ANK3: variants seen among roughly 807,000 people sequenced by gnomAD.
ANK3 encodes the protein ankyrin-3.
A neutral mutation model predicts 370.9 loss-of-function variants in ANK3; 57 were observed. That is an observed-to-expected ratio of 0.15 (90% confidence interval 0.12 to 0.19). ANK3 has a LOEUF of 0.19. Ranked by LOEUF, ANK3 falls within the 10% of genes least tolerant of loss-of-function variation. The pLI is 1.00. For missense variants in ANK3, 4,439 were observed against 5,302.1 expected, an observed-to-expected ratio of 0.84 and a Z score of 5.06; for synonymous variants, 1,929 against 1,946.3, an observed-to-expected ratio of 0.99 and a Z score of 0.23.
intron 1 of ANK3, among the ~76,000 whole-genome samples, chr10:60,336,656 A>G (rs993729469): frequency 6.6e-6 from 1 of 152,192 alleles, no homozygotes; most frequent in South Asian, 2.1e-4. Context: ...GCATTTTAAG[A>G]AAAAGCTATC....
chr10:60,345,821 A>G (rs1362286491), intron 1 of ANK3, among the ~76,000 whole-genome samples: 1 of 152,130 alleles, frequency 6.6e-6, no homozygotes, highest in East Asian at 1.9e-4. Context: ...ATTATACTGG[A>G]GGCAGTGTTA....
At chr10:60,390,984 G>C (rs940885489), upstream of ANK3, among the ~76,000 whole-genome samples, 19 of 152,130 alleles carry the variant, frequency 1.2e-4, no homozygotes, top group African/African-American at 3.6e-4. Flanking sequence ...GCTGTTGTTT[G>C]TCTGCTTCAC....
chr10:60,072,054 C>T lies in ANK3; in HGVS notation c.8827G>A (p.Gly2943Arg), dbSNP rs774501041. 1.6e-5 allele frequency: 26 copies of T among 1,613,968 alleles called. No individual in the cohort carries two copies. Among genetic ancestry groups the T allele is most frequent in the African/African-American group, 2.7e-5 (2 of 74,912 alleles). ...CTCCTGGAAGGCTGATCAAGCAATCCGCCTGGATGGTCCCCTTCTTTCACA... is the reference window on the plus strand; with the variant it reads ...CTCCTGGAAGGCTGATCAAGCAATCTGCCTGGATGGTCCCCTTCTTTCACA... ...YVVKEGDHPG[G>R]LLDQPSRRSE... is the part of the protein sequence containing the mutation. Residue 2943 changes from glycine (G) to arginine (R), a missense_variant, in exon 37 of 44, where the codon GGA becomes AGA. By Grantham distance (125) the Gly-to-Arg change is moderately radical (BLOSUM62 -2). Coordinates refer to ENST00000280772, the MANE Select transcript of ANK3 (RefSeq NM_020987.5).
intron 2 of ANK3, among the ~76,000 whole-genome samples, chr10:60,402,287 A>T (rs554624701): frequency 3.3e-4 from 50 of 152,282 alleles, no homozygotes; most frequent in Admixed American, 5.9e-4. Context: ...AAAACTAAGA[A>T]TATAAATAAA....
chr10:60,506,334 A>T (rs1211571496), intron 2 of ANK3, among the ~76,000 whole-genome samples: 3 of 152,110 alleles, frequency 2.0e-5, no homozygotes, highest in African/African-American at 7.2e-5. Context: ...CACTCAAGAA[A>T]ATCCCAAAGT....
chr10:60,497,273 G>A (rs1741556637), intron 2 of ANK3, among the ~76,000 whole-genome samples: 1 of 152,150 alleles, frequency 6.6e-6, no homozygotes, highest in Non-Finnish European at 1.5e-5. Context: ...AGGTGACAGA[G>A]TGAGACCCTG....
chr10:60,699,456 A>C (rs956233210), intron 1 of ANK3, among the ~76,000 whole-genome samples: 2 of 152,086 alleles, frequency 1.3e-5, no homozygotes, highest in African/African-American at 4.8e-5. Context: ...ACAATGATCA[A>C]ATCTTTTAAT....
Position 60,548,991 on chromosome 10 carries a change from A to G in ANK3, c.96+66195T>C, listed in dbSNP as rs7069325. Among the ~76,000 whole-genome samples, 925 of 152,272 alleles carry G rather than the reference A, an allele frequency of 6.1e-3. 13 individuals are homozygous for G. The highest frequency in any genetic ancestry group is 0.02 in the African/African-American group (847 of 41,546). On this transcript the variant is annotated intron_variant, in intron 2 of 43. Coordinates refer to the ANK3 transcript ENST00000373827. ...AAATGTGTAACTGTTAAATTCCTCA[A>G]TTGGAATATTGTGGGCATTTCCAAT...
chr10:60,374,068 C>T (rs528519483), intron 1 of ANK3, among the ~76,000 whole-genome samples: 1 of 151,920 alleles, frequency 6.6e-6, no homozygotes, highest in African/African-American at 2.4e-5. Context: ...GTAGTCCTGC[C>T]CAAGTGCTCC....
chr10:60,572,499 G>A (rs764510856), intron 2 of ANK3: 2 of 1,535,744 alleles, frequency 1.3e-6, no homozygotes, highest in South Asian at 1.2e-5. Flanking sequence ...AGCAGGTTTT[G>A]CATTTTTCTC....
chr10:60,407,386 A>G (rs555559474), intron 2 of ANK3, among the ~76,000 whole-genome samples: 1 of 152,326 alleles, frequency 6.6e-6, no homozygotes, highest in African/African-American at 2.4e-5. Context: ...CAGAATTGTG[A>G]GGATGCAAAT....
intron 1 of ANK3, among the ~76,000 whole-genome samples, chr10:60,704,697 T>A (rs2079590443): frequency 6.6e-6 from 1 of 152,170 alleles, no homozygotes; most frequent in African/African-American, 2.4e-5. Context: ...TCCAGATGCA[T>A]CAGACTGTTA....
intron 2 of ANK3, among the ~76,000 whole-genome samples, chr10:60,445,726 T>C (rs1044371968): frequency 2.6e-5 from 4 of 152,148 alleles, no homozygotes; most frequent in African/African-American, 9.7e-5. Context: ...ACATAAACAG[T>C]GCACCACAGT....
At chr10:60,389,932 A>G, upstream of ANK3, 1 of 871,506 alleles carries the variant, frequency 1.1e-6, no homozygotes, top group Non-Finnish European at 1.4e-6. Flanking sequence ...GGAAGAATCA[A>G]GAGTCACCAC....
chr10:60,615,308 A>T, intron 1 of ANK3: 1 of 906,006 alleles, frequency 1.1e-6, no homozygotes, highest in South Asian at 1.9e-5. Context: ...CATGCACATT[A>T]TTAATTGACT....
intron 21 of ANK3, among the ~76,000 whole-genome samples, chr10:60,169,637 T>C (rs2095727726): frequency 6.6e-6 from 1 of 152,164 alleles, no homozygotes; most frequent in East Asian, 1.9e-4. Flanking sequence ...TGGGGAATTA[T>C]GTTCCACTTC....
chr10:60,299,690 A>G (rs895893436), intron 1 of ANK3, among the ~76,000 whole-genome samples: 2 of 152,212 alleles, frequency 1.3e-5, no homozygotes, highest in Non-Finnish European at 2.9e-5. Flanking sequence ...TACTCCCTTT[A>G]TCTACACAGT....
rs567544704 is a variant in ANK3, at chr10:60,045,118, T to C, written c.13066-2359A>G. ...TGAGAACAAAACAATAGTGTTTTAG[T>C]CTTTATTCTGTCATTTTTAAACCAG... On this transcript the variant is annotated intron_variant, in intron 42 of 43. Coordinates refer to ENST00000280772, the MANE Select transcript of ANK3 (RefSeq NM_020987.5). 4.6e-5 allele frequency among the ~76,000 whole-genome samples: 7 copies of C among 152,338 alleles called. No homozygotes were observed. In the East Asian group the frequency reaches 1.3e-3, roughly 29 times the overall value.
intron 1 of ANK3, among the ~76,000 whole-genome samples, chr10:60,336,735 T>C (rs1331185781): frequency 1.3e-5 from 2 of 152,234 alleles, no homozygotes; most frequent in African/African-American, 2.4e-5. Flanking sequence ...ATAGCCAGCA[T>C]ATCTACTGAT....
Sources: gnomAD v4.1 joint callset for allele counts (sites outside exome capture counted in the v4.1 genomes callset) on GRCh38, gnomAD v4.1.1 for gene constraint, MANE v1.5 for transcripts, NCBI Gene and HGNC (gene_info 2026-07-23, HGNC 2026-07-21) for gene names.